Variants in DGKB observed in about 807,000 individuals in gnomAD.
The protein encoded by DGKB is 90 kDa diacylglycerol kinase.
In DGKB, 67 loss-of-function variants were observed where a neutral mutation model predicts 114.3. The ratio of observed to expected loss-of-function variants is 0.59; its 90% CI spans 0.48 to 0.72. DGKB has a LOEUF of 0.72. Among genes scored for constraint, DGKB ranks in the 30% least tolerant of loss-of-function variants. The pLI, the probability that DGKB is intolerant of heterozygous loss-of-function variation, is 0.00. For synonymous variants in DGKB, 398 were observed against 323.1 expected (o/e 1.23, Z -2.49); for missense variants, 907 against 975.2 (o/e 0.93, Z 0.93).
At chr7:14,312,862 T>C (rs1805645689) in intron 23 of DGKB, among the ~76,000 whole-genome samples, 1 of 152,230 alleles carries the variant, frequency 6.6e-6, no homozygotes, top group African/African-American at 2.4e-5. Flanking sequence ...TAGAAACTTT[T>C]TGTATTTACT....
intron 2 of DGKB, among the ~76,000 whole-genome samples, chr7:14,769,963 C>T (rs191586425): frequency 6.6e-6 from 1 of 152,172 alleles, no homozygotes; most frequent in Admixed American, 6.5e-5. Context: ...AAATAATTTA[C>T]ATTACTTTTC....
At chr7:14,521,808 T>C (rs1260274516) in intron 20 of DGKB, among the ~76,000 whole-genome samples, 4 of 152,292 alleles carry the variant, frequency 2.6e-5, no homozygotes, top group Middle Eastern at 3.4e-3. Flanking sequence ...AGTCACACGT[T>C]CTTATTTCTT....
intron 2 of DGKB, among the ~76,000 whole-genome samples, chr7:14,820,551 G>A (rs1479744694): frequency 1.3e-5 from 2 of 152,082 alleles, no homozygotes; most frequent in South Asian, 2.1e-4. Context: ...ACCATTTATA[G>A]TTTCCAAATA....
chr7:14,453,994 A>G (rs1425370940), intron 21 of DGKB, among the ~76,000 whole-genome samples: 1 of 152,124 alleles, frequency 6.6e-6, no homozygotes, highest in Non-Finnish European at 1.5e-5. Flanking sequence ...TTTCATTAAT[A>G]TTATTTTTGT....
intron 1 of DGKB, among the ~76,000 whole-genome samples, chr7:14,871,516 T>C (rs1371565260): frequency 6.6e-6 from 1 of 152,186 alleles, no homozygotes; most frequent in Non-Finnish European, 1.5e-5. Context: ...TCGTACAGTT[T>C]ATCACTTACT....
chr7:14,388,422 A>G (rs1820785916), intron 21 of DGKB, among the ~76,000 whole-genome samples: 1 of 148,246 alleles, frequency 6.7e-6, no homozygotes, highest in Non-Finnish European at 1.5e-5. Context: ...GTGTGTTTGT[A>G]TATGTGTATA....
Position 14,784,162 on chromosome 7 carries a change from T to A in DGKB, c.71-26431A>T, listed in dbSNP as rs555808306. On this transcript the variant is annotated intron_variant, in intron 2 of 25. Coordinates refer to ENST00000402815, the MANE Select transcript of DGKB (RefSeq NM_001350709.2). The stretch of plus-strand genomic sequence containing the variant: ...TGATATATATTGCCTTTTTTTTTAC[T>A]ACAATCTACTGATGTATCCTTTTCA... 3.4e-4 allele frequency among the ~76,000 whole-genome samples: 52 copies of A among 152,236 alleles called. No homozygotes were observed. The South Asian group carries it at 7.5e-3, about 22-fold the overall frequency.
intron 2 of DGKB, among the ~76,000 whole-genome samples, chr7:14,796,890 A>G (rs939379807): frequency 4.6e-5 from 7 of 152,074 alleles, no homozygotes; most frequent in Non-Finnish European, 8.8e-5. Flanking sequence ...TATAGTCTTG[A>G]TTTGGCTCCT....
chr7:14,354,103 T>G (rs1309022558), intron 21 of DGKB, among the ~76,000 whole-genome samples: 1 of 152,138 alleles, frequency 6.6e-6, no homozygotes, highest in Non-Finnish European at 1.5e-5. Flanking sequence ...CACCTTGTGG[T>G]GTTTGAATTA....
intron 20 of DGKB, among the ~76,000 whole-genome samples, chr7:14,561,231 C>T (rs917635414): frequency 6.6e-6 from 1 of 152,206 alleles, no homozygotes; most frequent in African/African-American, 2.4e-5. Context: ...CACACACTCT[C>T]TTGCCTGACA....
intron 20 of DGKB, among the ~76,000 whole-genome samples, chr7:14,493,042 G>A (rs968178401): frequency 7.9e-5 from 12 of 152,016 alleles, no homozygotes; most frequent in African/African-American, 1.2e-4. Flanking sequence ...CCTAGTGTTA[G>A]TATTTCTGAT....
rs542835435 is a variant in DGKB at position 14,283,993 on chromosome 7, C to G, written c.2122+54522G>C. 1.9e-3 allele frequency among the ~76,000 whole-genome samples: 293 copies of G among 152,190 alleles called. 4 individuals are homozygous for G. The highest frequency in any genetic ancestry group is 0.016 in the Admixed American group (250 of 15,278). On this transcript the variant is annotated intron_variant, in intron 23 of 25. Transcript: ENST00000402815. ...TCTAAAACACCAAAAGCAATGGCAACAAAAGACAAAATTGACAAATGGGGT... is the reference window on the plus strand; with the variant it reads ...TCTAAAACACCAAAAGCAATGGCAAGAAAAGACAAAATTGACAAATGGGGT...
At chr7:14,268,898 C>A (rs567463381) in intron 23 of DGKB, 108 of 152,292 alleles carry the variant, frequency 7.1e-4, no homozygotes, top group African/African-American at 2.6e-3. Flanking sequence ...TAATAAGTTA[C>A]CTTTTTGTTT....
intron 23 of DGKB, among the ~76,000 whole-genome samples, chr7:14,255,625 A>T (rs1271269860): frequency 6.6e-6 from 1 of 152,152 alleles, no homozygotes; most frequent in Admixed American, 6.5e-5. Context: ...TGTAAAAAAT[A>T]ATATAATGCA....
chr7:14,734,198 CTAATTTTTTTTT>C (rs1831364082), intron 5 of DGKB, among the ~76,000 whole-genome samples: 1 of 80,270 alleles, frequency 1.2e-5, no homozygotes, highest in Non-Finnish European at 4.3e-5. Context: ...CCATGCCCGG[CTAATTTTTTTTT>C]TTGTATTTTT....
At chr7:14,378,724 C>A (rs981925732) in intron 21 of DGKB, among the ~76,000 whole-genome samples, 18 of 152,022 alleles carry the variant, frequency 1.2e-4, no homozygotes, top group African/African-American at 4.1e-4. Context: ...AGGAGGTCTG[C>A]AGCAGGACAT....
chr7:14,960,919 G>A (rs913145689), intron 1 of DGKB, among the ~76,000 whole-genome samples: 6 of 151,950 alleles, frequency 3.9e-5, no homozygotes, highest in Admixed American at 1.3e-4. Flanking sequence ...CCATGATCTC[G>A]GGCGTGGGCG....
chr7:14,653,908 A>G (rs1003778132), intron 13 of DGKB, among the ~76,000 whole-genome samples: 1 of 152,110 alleles, frequency 6.6e-6, no homozygotes, highest in Non-Finnish European at 1.5e-5. Context: ...GCCATTTATG[A>G]CAAACCCACA....
At chr7:14,937,850 C>T (rs771466726) in intron 1 of DGKB, among the ~76,000 whole-genome samples, 15 of 152,170 alleles carry the variant, frequency 9.9e-5, no homozygotes, top group Admixed American at 2.0e-4. Context: ...TCCACTTTCA[C>T]TTAATGAATA....
Sources: gnomAD v4.1 joint callset for allele counts (sites outside exome capture counted in the v4.1 genomes callset) on GRCh38, gnomAD v4.1.1 for gene constraint, MANE v1.5 for transcripts, NCBI Gene and HGNC (gene_info 2026-07-23, HGNC 2026-07-21) for gene names.